Variants in FLRT2 observed in about 807,000 individuals in gnomAD.
FLRT2 encodes fibronectin leucine rich transmembrane protein 2.
In FLRT2, 15 loss-of-function variants were observed where a neutral mutation model predicts 40.0. The observed-to-expected ratio is 0.38, with a 90% CI of 0.25 to 0.58. The LOEUF (loss-of-function observed/expected upper bound fraction) is 0.58. Among genes scored for constraint, FLRT2 ranks in the 20% least tolerant of loss-of-function variants. The pLI, the probability that FLRT2 is intolerant of heterozygous loss-of-function variation, is 0.71. For synonymous variants in FLRT2, 380 were observed against 336.8 expected, an observed-to-expected ratio of 1.13 and a Z score of -1.41; for missense variants, 726 against 840.0, an observed-to-expected ratio of 0.86 and a Z score of 1.68.
In FLRT2 at chr14:85,589,077, T is replaced by A. The variant is rs146241833; in HGVS notation, c.-376-32062T>A. On this transcript the variant is annotated intron_variant, in intron 1 of 1. Coordinates refer to ENST00000330753, the MANE Select transcript of FLRT2 (RefSeq NM_013231.6). ...TGCAACAAACATGGGGATGCAGATA[T>A]CTCTTTGATATACAGATGGCCAACA... Among the ~76,000 whole-genome samples, 28 of 152,288 alleles carry A rather than the reference T, an allele frequency of 1.8e-4. 1 individual carries two copies. The East Asian group carries it at 5.0e-3, about 27-fold the overall frequency.
chr14:85,600,504 A>G (rs2139332521), intron 1 of FLRT2, among the ~76,000 whole-genome samples: 1 of 152,324 alleles, frequency 6.6e-6, no homozygotes, highest in South Asian at 2.1e-4. Context: ...CAGAAAAAGG[A>G]AGACTCTGAC....
At chr14:85,580,277 C>T (rs1398180570) in intron 1 of FLRT2, among the ~76,000 whole-genome samples, 2 of 152,042 alleles carry the variant, frequency 1.3e-5, no homozygotes, top group Non-Finnish European at 2.9e-5. Context: ...AATTAATGAG[C>T]CAGGGAAGGT....
rs1015493807 is a variant in FLRT2, at chr14:85,622,142, A to G, written c.628A>G (p.Ile210Val). The G allele has an allele frequency of 5.0e-6, 8 of 1,614,000 alleles. No individual in the cohort carries two copies. In the Admixed American group the frequency reaches 1.0e-4, roughly 20 times the overall value. ...FQNLTSLERLIVDGNLLTNKG... is the reference protein window; with the variant it reads ...FQNLTSLERLVVDGNLLTNKG... ...GAATCTCACGAGCTTGGAGCGTCTT[A>G]TTGTGGACGGGAACCTCCTGACCAA... The change falls in exon 2 of 2, where the codon ATT becomes GTT. Residue 210 changes from isoleucine (I) to valine (V), a missense_variant. Physicochemically the swap from Ile to Val is conservative, Grantham distance 29. Coordinates refer to ENST00000330753, the MANE Select transcript of FLRT2 (RefSeq NM_013231.6).
intron 1 of FLRT2, among the ~76,000 whole-genome samples, chr14:85,587,369 T>C (rs1462720405): frequency 6.6e-6 from 1 of 151,440 alleles, no homozygotes. Flanking sequence ...AGTGTGCCAA[T>C]AGCGCCAAAG....
At position 85,653,109 on chromosome 14, in the gene FLRT2, A is replaced by G. The variant is rs926319715; in HGVS notation, c.*29612A>G. 5 of 152,234 alleles carry G rather than the reference A, an allele frequency of 3.3e-5. No individual in the cohort carries two copies. The highest frequency in any genetic ancestry group is 1.2e-4 in the African/African-American group (5 of 41,460). 9.4% of individuals were successfully genotyped at this position (152,234 alleles called of 1,614,324 possible). A position where few individuals can be genotyped will look rare whatever the true frequency, so the allele number is the denominator to read the frequency against. ...CAGCAAATGGTTCCAGACATTTATAATTATGCATCTGAAGTCAGAACACCT... is the reference window on the plus strand; with the variant it reads ...CAGCAAATGGTTCCAGACATTTATAGTTATGCATCTGAAGTCAGAACACCT... On this transcript the variant is annotated 3_prime_UTR_variant, in exon 2 of 2. Coordinates refer to ENST00000330753, the MANE Select transcript of FLRT2 (RefSeq NM_013231.6).
intron 1 of FLRT2, among the ~76,000 whole-genome samples, chr14:85,537,198 G>A (rs972962656): frequency 1.3e-5 from 2 of 152,082 alleles, no homozygotes; most frequent in African/African-American, 4.8e-5. Flanking sequence ...TCTTGTGAGG[G>A]TTTTCAGATA....
In FLRT2 at chr14:85,545,279, G is replaced by A. The variant is rs544660428; in HGVS notation, c.-377+14745G>A. 9.9e-5 allele frequency among the ~76,000 whole-genome samples: 15 copies of A among 152,256 alleles called. No homozygotes were observed. The South Asian group carries it at 2.1e-3, about 21-fold the overall frequency. ...TTAGAGTGCTGTTTATGCAGTTCATGTATATTATCTCATCTAAACCTTGTA... is the reference window on the plus strand; with the variant it reads ...TTAGAGTGCTGTTTATGCAGTTCATATATATTATCTCATCTAAACCTTGTA... On this transcript the variant is annotated intron_variant, in intron 1 of 1. Transcript: ENST00000330753.
At position 85,627,601 on chromosome 14, in the gene FLRT2, A is replaced by ACACAC. The variant is rs1893743854; in HGVS notation, c.*4104_*4105insCACAC. The ACACAC allele has an allele frequency of 6.3e-6, 1 of 157,988 alleles. No homozygotes were observed. The highest frequency in any genetic ancestry group is 7.0e-5 in the Admixed American group (1 of 14,344). 9.8% of individuals were successfully genotyped at this position (157,988 alleles called of 1,614,324 possible). ...GTACACACACACACACACACACACAAACAGGGGCATTTGTAAAGGTGTCCC... is the reference window on the plus strand; with the variant it reads ...GTACACACACACACACACACACACAACACACACAGGGGCATTTGTAAAGGTGTCCC... On this transcript the variant is annotated 3_prime_UTR_variant, in exon 2 of 2. Transcript: ENST00000330753.
chr14:85,599,296 T>C (rs1373663464), intron 1 of FLRT2, among the ~76,000 whole-genome samples: 1 of 148,832 alleles, frequency 6.7e-6, no homozygotes, highest in African/African-American at 2.5e-5. Flanking sequence ...ATTAACTCAA[T>C]AGGCTAAAAG....
intron 1 of FLRT2, among the ~76,000 whole-genome samples, chr14:85,572,476 A>AT (rs1315071071): frequency 1.3e-5 from 2 of 152,106 alleles, no homozygotes; most frequent in African/African-American, 4.8e-5. Context: ...ATATCCAGTA[A>AT]TTTTTTGTAC....
In FLRT2 at chr14:85,624,882, G is replaced by A. The variant is rs1016457835; in HGVS notation, c.*1385G>A. The A allele has an allele frequency of 6.0e-6, 1 of 167,032 alleles. No individual in the cohort carries two copies. The highest frequency in any genetic ancestry group is 1.5e-5 in the Non-Finnish European group (1 of 68,108). 10.3% of individuals were successfully genotyped at this position (167,032 alleles called of 1,614,324 possible). A position where few individuals can be genotyped will look rare whatever the true frequency, so the allele number is the denominator to read the frequency against. On this transcript the variant is annotated 3_prime_UTR_variant, in exon 2 of 2. Coordinates refer to ENST00000330753, the MANE Select transcript of FLRT2 (RefSeq NM_013231.6). ...CAATACCTGGTTTCCACCTTGGACT[G>A]ACTTTGATCCTGTTCCACTTTTGAA...
chr14:85,598,364 G>C (rs943232689), intron 1 of FLRT2, among the ~76,000 whole-genome samples: 3 of 152,202 alleles, frequency 2.0e-5, no homozygotes, highest in African/African-American at 7.2e-5. Flanking sequence ...TGGGTGAACT[G>C]TGTTTCATTC....
chr14:85,545,800 T>G (rs1329600638), intron 1 of FLRT2, among the ~76,000 whole-genome samples: 1 of 152,218 alleles, frequency 6.6e-6, no homozygotes, highest in African/African-American at 2.4e-5. Flanking sequence ...CTCCATTTTT[T>G]CCCCTTACCC....
intron 1 of FLRT2, among the ~76,000 whole-genome samples, chr14:85,619,898 C>T (rs1025485807): frequency 3.9e-5 from 6 of 152,266 alleles, no homozygotes; most frequent in East Asian, 1.9e-4. Context: ...TCTGTCATTT[C>T]GAAATTTGCT....
Position 85,561,741 on chromosome 14 carries a change from G to A in FLRT2, c.-377+31207G>A, listed in dbSNP as rs140803333. Among the ~76,000 whole-genome samples, 293 of 152,294 alleles carry A rather than the reference G, an allele frequency of 1.9e-3. 5 individuals are homozygous for A. Among genetic ancestry groups the A allele is most frequent in the African/African-American group, 6.5e-3 (269 of 41,564 alleles). On this transcript the variant is annotated intron_variant, in intron 1 of 1. Coordinates refer to ENST00000330753, the MANE Select transcript of FLRT2 (RefSeq NM_013231.6). ...AGTAGGAACGAGATAAAATAGAATC[G>A]TACCAGAAGCCTTTCCCACTAGAAT...
chr14:85,600,563 T>C (rs756077904), intron 1 of FLRT2, among the ~76,000 whole-genome samples: 2 of 152,078 alleles, frequency 1.3e-5, no homozygotes, highest in Non-Finnish European at 1.5e-5. Context: ...AAAATAAACG[T>C]GGTCAAGAGA....
rs1236015394 is a variant in FLRT2 at position 85,626,951 on chromosome 14, ATCT to A, written c.*3457_*3459del. The A allele has an allele frequency of 1.2e-5, 2 of 167,048 alleles. No individual in the cohort carries two copies. Among genetic ancestry groups the A allele is most frequent in the Non-Finnish European group, 2.9e-5 (2 of 68,118 alleles). 10.3% of individuals were successfully genotyped at this position (167,048 alleles called of 1,614,324 possible). On this transcript the variant is annotated 3_prime_UTR_variant, in exon 2 of 2. Coordinates refer to ENST00000330753, the MANE Select transcript of FLRT2 (RefSeq NM_013231.6). ...TTCCTTCCCCACCAGGGAGGACAAC[ATCT>A]TCATGCTGTGATTGAAGCATCCATT...
intron 1 of FLRT2, among the ~76,000 whole-genome samples, chr14:85,614,807 T>A (rs1030992758): frequency 6.6e-6 from 1 of 152,120 alleles, no homozygotes; most frequent in Non-Finnish European, 1.5e-5. Context: ...GTCTAAAAAA[T>A]CAGTTATTTT....
chr14:85,533,691 G>T (rs1888447508), intron 1 of FLRT2, among the ~76,000 whole-genome samples: 1 of 152,084 alleles, frequency 6.6e-6, no homozygotes, highest in South Asian at 2.1e-4. Flanking sequence ...CCCTGGAGGC[G>T]GTGGTGGCGG....
Sources: gnomAD v4.1 joint callset for allele counts (sites outside exome capture counted in the v4.1 genomes callset) on GRCh38, gnomAD v4.1.1 for gene constraint, MANE v1.5 for transcripts, NCBI Gene and HGNC (gene_info 2026-07-23, HGNC 2026-07-21) for gene names.